Variants in F5 observed in about 807,000 individuals in gnomAD.
F5 encodes the protein coagulation factor V, also known as activated protein c cofactor.
A neutral mutation model predicts 216.4 loss-of-function variants in F5; 138 were observed. That is an observed-to-expected ratio of 0.64 (90% CI 0.56 to 0.73). The LOEUF is 0.73. Among genes scored for constraint, F5 ranks in the 30% least tolerant of loss-of-function variants. The probability of loss-of-function intolerance (pLI) is 0.00; values close to 1 mark genes in which losing one functional copy is unlikely to be tolerated. For synonymous variants in F5, 916 were observed against 930.7 expected (o/e 0.98, Z 0.29); for missense variants, 2,403 against 2,674.0 (o/e 0.90, Z 2.24).
chr1:169,582,945 T>C (rs1191727997), intron 1 of F5, among the ~76,000 whole-genome samples: 1 of 152,222 alleles, frequency 6.6e-6, no homozygotes, highest in Non-Finnish European at 1.5e-5. Context: ...TGAAAAAGTA[T>C]TGATTTGGTG....
chr1:169,575,807 T>A (rs995943755), intron 2 of F5, among the ~76,000 whole-genome samples: 1 of 152,028 alleles, frequency 6.6e-6, no homozygotes, highest in Non-Finnish European at 1.5e-5. Context: ...CAGAATAATG[T>A]GCCCCTGCTG....
At chr1:169,543,233 G>A in intron 12 of F5, 119 bp from the exon 13 acceptor site, 1 of 877,672 alleles carries the variant, frequency 1.1e-6, no homozygotes. Context: ...TTCAAGTATG[G>A]GCTGTGGACC....
At chr1:169,530,064 G>T (rs529313175) in intron 15 of F5, among the ~76,000 whole-genome samples, 6 of 152,156 alleles carry the variant, frequency 3.9e-5, no homozygotes, top group African/African-American at 1.2e-4. Flanking sequence ...TAATATAAGG[G>T]ATACTATTTA....
chr1:169,517,153 G>T (rs982813119), intron 23 of F5, among the ~76,000 whole-genome samples: 3 of 151,896 alleles, frequency 2.0e-5, no homozygotes, highest in African/African-American at 7.3e-5. Flanking sequence ...GAGGTATTTG[G>T]GCTGCTTCAA....
At chr1:169,544,580 A>G in intron 11 of F5, 72 bp from the exon 12 acceptor site, 2 of 1,232,744 alleles carry the variant, frequency 1.6e-6, no homozygotes, top group South Asian at 1.3e-5. Context: ...TATACCTAAG[A>G]TAAATGTCTC....
chr1:169,538,029 A>G (rs1320585271), intron 13 of F5, among the ~76,000 whole-genome samples: 5 of 152,088 alleles, frequency 3.3e-5, no homozygotes, highest in Non-Finnish European at 7.4e-5. Flanking sequence ...CTGCTGTCCC[A>G]CGTTCACTGC....
In F5 at chr1:169,550,720, G is replaced by C; in HGVS notation, c.1316C>G (p.Ala439Gly). 2 of 1,613,668 alleles carry C rather than the reference G, an allele frequency of 1.2e-6. No homozygotes were observed. The highest frequency in any genetic ancestry group is 1.7e-4 in the Middle Eastern group (1 of 6,058). ...AGGGTAAATGCTATAGGGGCGGCTG[G>C]CCATATTTTTGAACACGATCTACAA... Reference protein sequence around the residue: ...DTLKIVFKNMASRPYSIYPHG... With the variant: ...DTLKIVFKNMGSRPYSIYPHG... Residue 439 changes from alanine to glycine, a missense_variant, in exon 9 of 25, where the codon GCC (alanine) becomes GGC (glycine). Around this residue, in one of 4 missense-constraint regions of F5, gnomAD observed 1,425 missense variants for 1,554.8 expected, o/e 0.92. Transcript: ENST00000367797.
In F5 at chr1:169,524,902, C is replaced by T. The variant is rs191148130; in HGVS notation, c.5723G>A (p.Arg1908Lys). ...ACCAGTGCTTAGTCCCATTGGCATCCTACAGTCTATGAAAAACAGAAAAAA... is the reference window on the plus strand; with the variant it reads ...ACCAGTGCTTAGTCCCATTGGCATCTTACAGTCTATGAAAAACAGAAAAAA... ...TPFLIMDRDC[R>K]MPMGLSTGII... is the part of the protein sequence containing the mutation. The change falls in exon 19 of 25, where the codon AGG (arginine) becomes AAG (lysine). Residue 1908 changes from arginine to lysine, a missense_variant. Arg to Lys is a conservative substitution (Grantham distance 26). Transcript: ENST00000367797. 1.8e-4 allele frequency: 298 copies of T among 1,612,606 alleles called. 4 individuals are homozygous for T. In the Admixed American group the frequency reaches 4.9e-3, roughly 27 times the overall value.
Position 169,512,353 on chromosome 1 carries a change from GC to G in F5, c.*1959del, listed in dbSNP as rs1249457998. 4.6e-5 allele frequency among the ~76,000 whole-genome samples: 7 copies of G among 151,844 alleles called. No individual in the cohort carries two copies. The highest frequency in any genetic ancestry group is 7.4e-5 in the Non-Finnish European group (5 of 67,944). On this transcript the variant is annotated 3_prime_UTR_variant, in exon 25 of 25. Coordinates refer to ENST00000367797, the MANE Select transcript of F5 (RefSeq NM_000130.5). ...CATAAGATTTTCTTGCCCCTATTAT[GC>G]CTTAGTAAATTCTAGATCAAGAGAG...
rs1659866286 is a variant in F5 at position 169,542,012 on chromosome 1, G to C, written c.3078C>G (p.Leu1026=). Residue 1026 remains leucine (L), a synonymous_variant, in exon 13 of 25, where the codon CTC becomes CTG. Coordinates refer to ENST00000367797, the MANE Select transcript of F5 (RefSeq NM_000130.5). ...CTTTTTTCTTTTTTCGTGTCTTAAT[G>C]AGAAACTGGCTTTTCTTCAGTCTAC... ...GKSRLKKSQF[L]IKTRKKKKEK... is the part of the protein sequence containing the mutation. 6.2e-7 allele frequency: 1 copy of C among 1,613,846 alleles called. No homozygotes were observed. Among genetic ancestry groups the C allele is most frequent in the Non-Finnish European group, 8.5e-7 (1 of 1,179,998 alleles).
intron 21 of F5, among the ~76,000 whole-genome samples, chr1:169,521,615 A>ATCTT (rs1659309390): frequency 9.4e-6 from 1 of 106,268 alleles, no homozygotes; most frequent in Non-Finnish European, 1.8e-5. Flanking sequence ...CTGTGAAAAG[A>ATCTT]TTTTTTTTTT....
chr1:169,542,130 G>C lies in F5; in HGVS notation c.2960C>G (p.Pro987Arg), dbSNP rs766822752. The C allele has an allele frequency of 3.1e-6, 5 of 1,614,070 alleles. No individual in the cohort carries two copies. Among genetic ancestry groups the C allele is most frequent in the South Asian group, 2.2e-5 (2 of 91,080 alleles). The change falls in exon 13 of 25, where the codon CCT becomes CGT. Residue 987 changes from proline (P) to arginine (R), a missense_variant. By Grantham distance (103) the Pro-to-Arg change is moderately radical. Coordinates refer to ENST00000367797, the MANE Select transcript of F5 (RefSeq NM_000130.5). Reference sequence around the variant, plus strand: ...CTGCTTTCCAGGCTTGTTGGCAAGAGGGGTGCTTTCTCCCCAAGCACGTGA... The same window carrying C: ...CTGCTTTCCAGGCTTGTTGGCAAGACGGGTGCTTTCTCCCCAAGCACGTGA... The part of the protein sequence containing the change: ...NASRAWGEST[P>R]LANKPGKQSG...
chr1:169,514,033 G>A lies in F5; in HGVS notation c.*280C>T. ...TTAACTACATAAATATTACTTCATA[G>A]CATTTTCAATCATTAAGAAAGATAA... On this transcript the variant is annotated 3_prime_UTR_variant, in exon 25 of 25. Transcript: ENST00000367797. The A allele has an allele frequency of 2.6e-6, 1 of 389,956 alleles. No homozygotes were observed. The highest frequency in any genetic ancestry group is 3.3e-5 in the South Asian group (1 of 30,746). 24.2% of individuals were successfully genotyped at this position (389,956 alleles called of 1,614,324 possible). A position where few individuals can be genotyped will look rare whatever the true frequency, so the allele number is the denominator to read the frequency against.
At chr1:169,577,116 A>C (rs998282668) in intron 2 of F5, among the ~76,000 whole-genome samples, 1 of 152,118 alleles carries the variant, frequency 6.6e-6, no homozygotes, top group African/African-American at 2.4e-5. Flanking sequence ...CTCAGTGCCC[A>C]AAGCTGGATT....
intron 3 of F5, among the ~76,000 whole-genome samples, chr1:169,564,056 C>T (rs1665348028): frequency 2.0e-5 from 3 of 152,080 alleles, no homozygotes; most frequent in South Asian, 2.1e-4. Flanking sequence ...TCCTCAGCAG[C>T]CTGTAGTCTA....
At chr1:169,521,957 T>C (rs1659320782) in intron 21 of F5, among the ~76,000 whole-genome samples, 1 of 151,652 alleles carries the variant, frequency 6.6e-6, no homozygotes, top group East Asian at 1.9e-4. Context: ...TCTAGCAAGA[T>C]TCACACAAAA....
intron 24 of F5, 106 bp downstream of exon 24, chr1:169,515,338 A>T (rs1259019204): frequency 7.6e-7 from 1 of 1,308,048 alleles, no homozygotes; most frequent in East Asian, 2.3e-5. Context: ...TAGAAGACTT[A>T]AAGAGGTGGT....
At chr1:169,536,956 A>G (rs1300923515) in intron 13 of F5, among the ~76,000 whole-genome samples, 2 of 151,892 alleles carry the variant, frequency 1.3e-5, no homozygotes, top group Admixed American at 6.6e-5. Flanking sequence ...TAGTATTATT[A>G]TAGTATATAT....
chr1:169,515,164 A>G (rs1359196790), intron 24 of F5, among the ~76,000 whole-genome samples: 1 of 152,068 alleles, frequency 6.6e-6, no homozygotes, highest in African/African-American at 2.4e-5. Flanking sequence ...CATCATCAGC[A>G]AGTTCCCCAA....
Sources: allele counts gnomAD v4.1 joint callset (sites outside exome capture counted in the v4.1 genomes callset), GRCh38; gene constraint gnomAD v4.1.1; regional missense constraint gnomAD v4.1.1; transcripts MANE v1.5; gene names NCBI Gene and HGNC (gene_info 2026-07-23, HGNC 2026-07-21).